Variants in PSEN1 observed in about 807,000 individuals in gnomAD.
PSEN1 encodes the protein presenilin-1.
A neutral mutation model predicts 53.5 loss-of-function variants in PSEN1; 15 were observed. That is an observed-to-expected ratio of 0.28 (90% CI 0.19 to 0.43). The LOEUF (loss-of-function observed/expected upper bound fraction) is 0.43, where lower values mean the gene tolerates loss of function less well. Ranked by LOEUF, PSEN1 falls within the 20% of genes least tolerant of loss-of-function variation. The probability of loss-of-function intolerance (pLI) is 1.00; values close to 1 mark genes in which losing one functional copy is unlikely to be tolerated. For synonymous variants in PSEN1, 208 were observed against 209.8 expected, an observed-to-expected ratio of 0.99 and a Z score of 0.08; for missense variants, 387 against 571.2, an observed-to-expected ratio of 0.68 and a Z score of 3.29.
chr14:73,214,879 C>G (rs971570078), intron 10 of PSEN1, among the ~76,000 whole-genome samples: 2 of 152,018 alleles, frequency 1.3e-5, no homozygotes, highest in Non-Finnish European at 2.9e-5. Flanking sequence ...CACAATGATA[C>G]GATTATACCT....
intron 10 of PSEN1, among the ~76,000 whole-genome samples, chr14:73,212,898 A>T (rs1899761619): frequency 6.6e-6 from 1 of 152,254 alleles, no homozygotes; most frequent in South Asian, 2.1e-4. Context: ...AAACTTGATT[A>T]AAACATTACA....
At chr14:73,211,998 T>C in intron 10 of PSEN1, 56 bp downstream of exon 10, 6 of 1,468,612 alleles carry the variant, frequency 4.1e-6, no homozygotes, top group Non-Finnish European at 4.7e-6. Flanking sequence ...AGCTACATTA[T>C]CAACCTTTTT....
At chr14:73,217,533 G>A (rs565456669) in intron 11 of PSEN1, among the ~76,000 whole-genome samples, 1 of 152,242 alleles carries the variant, frequency 6.6e-6, no homozygotes, top group African/African-American at 2.4e-5. Context: ...TTTAGGAACC[G>A]CTGCCTCAAG....
chr14:73,172,609 T>C lies in PSEN1; in HGVS notation c.339-957T>C, dbSNP rs76966559. 2.3e-4 allele frequency among the ~76,000 whole-genome samples: 35 copies of C among 152,336 alleles called. No homozygotes were observed. The East Asian group carries it at 5.4e-3, about 24-fold the overall frequency. ...CTGCTTTCACACTACAGTAGCACAGTTGAGTGTTTGCACTGGAGACCATAT... is the reference window on the plus strand; with the variant it reads ...CTGCTTTCACACTACAGTAGCACAGCTGAGTGTTTGCACTGGAGACCATAT... On this transcript the variant is annotated intron_variant, in intron 4 of 11. Coordinates refer to ENST00000324501, the MANE Select transcript of PSEN1 (RefSeq NM_000021.4).
intron 3 of PSEN1, among the ~76,000 whole-genome samples, chr14:73,162,253 T>C (rs1307529206): frequency 6.7e-6 from 1 of 150,098 alleles, no homozygotes; most frequent in Middle Eastern, 3.5e-3. Context: ...ATAAGAGAAA[T>C]AGATATTAAA....
intron 8 of PSEN1, among the ~76,000 whole-genome samples, chr14:73,201,443 A>G (rs1373661183): frequency 6.6e-6 from 1 of 152,210 alleles, no homozygotes; most frequent in Non-Finnish European, 1.5e-5. Flanking sequence ...AAAACCATAC[A>G]GTATTTGCTG....
intron 10 of PSEN1, among the ~76,000 whole-genome samples, chr14:73,215,487 G>A (rs1899876001): frequency 6.6e-6 from 1 of 151,780 alleles, no homozygotes; most frequent in African/African-American, 2.4e-5. Context: ...AGAGGCTGCG[G>A]CAGGATAATT....
intron 7 of PSEN1, among the ~76,000 whole-genome samples, chr14:73,194,930 A>C (rs1161987818): frequency 1.3e-5 from 2 of 152,220 alleles, no homozygotes; most frequent in African/African-American, 4.8e-5. Context: ...TGTAATAGGA[A>C]ACATCATCCT....
intron 9 of PSEN1, among the ~76,000 whole-genome samples, chr14:73,207,322 TAA>T (rs879805242): frequency 1.5e-5 from 2 of 130,402 alleles, no homozygotes; most frequent in Admixed American, 7.6e-5. Context: ...CCACACACAC[TAA>T]AAAAAAAAAG....
intron 6 of PSEN1, among the ~76,000 whole-genome samples, chr14:73,187,870 G>A (rs964617426): frequency 3.9e-5 from 6 of 152,084 alleles, no homozygotes; most frequent in Admixed American, 1.3e-4. Context: ...ACTATTGGTC[G>A]GTTATATTTA....
At chr14:73,189,737 G>T (rs187122943) in intron 6 of PSEN1, 3 of 161,616 alleles carry the variant, frequency 1.9e-5, no homozygotes, top group South Asian at 3.0e-4. Flanking sequence ...GAGTAAACAA[G>T]AATTGTGCAA....
chr14:73,146,786 G>A (rs1016295860), intron 1 of PSEN1, among the ~76,000 whole-genome samples: 1 of 152,194 alleles, frequency 6.6e-6, no homozygotes, highest in Non-Finnish European at 1.5e-5. Flanking sequence ...ATTTTTTTAT[G>A]TAAATGTGTA....
intron 3 of PSEN1, among the ~76,000 whole-genome samples, chr14:73,163,448 A>C (rs938570773): frequency 6.6e-5 from 10 of 152,228 alleles, no homozygotes; most frequent in Non-Finnish European, 1.2e-4. Flanking sequence ...ACAATCTTAC[A>C]GGAGTCATTC....
chr14:73,171,051 C>G lies in PSEN1; in HGVS notation c.338+4C>G. ...ATACCCGGAAGGATGGGCAGCTGTACGTATGAGTTTTGTTTTATTATTCTC... is the reference window on the plus strand; with the variant it reads ...ATACCCGGAAGGATGGGCAGCTGTAGGTATGAGTTTTGTTTTATTATTCTC... On this transcript the variant is annotated splice_donor_region_variant and intron_variant, in intron 4 of 11. Coordinates refer to ENST00000324501, the MANE Select transcript of PSEN1 (RefSeq NM_000021.4). 1 of 1,614,050 alleles carries G rather than the reference C, an allele frequency of 6.2e-7. No homozygotes were observed. Among genetic ancestry groups the G allele is most frequent in the Non-Finnish European group, 8.5e-7 (1 of 1,180,038 alleles).
intron 3 of PSEN1, among the ~76,000 whole-genome samples, chr14:73,158,442 C>G (rs190092338): frequency 9.5e-4 from 144 of 152,188 alleles, no homozygotes; most frequent in African/African-American, 3.0e-3. Flanking sequence ...TCTCCTGTCC[C>G]AGCCTCCCCA....
At chr14:73,140,554 C>T (rs980779141) in intron 1 of PSEN1, among the ~76,000 whole-genome samples, 1 of 152,102 alleles carries the variant, frequency 6.6e-6, no homozygotes, top group East Asian at 1.9e-4. Context: ...GCCTAGTTAT[C>T]GTCTTTATTT....
chr14:73,169,857 G>T (rs193266056), intron 3 of PSEN1, among the ~76,000 whole-genome samples: 1 of 152,204 alleles, frequency 6.6e-6, no homozygotes, highest in Non-Finnish European at 1.5e-5. Context: ...TGTTGGCCAG[G>T]CTGGTCTCAA....
chr14:73,178,219 C>CTTTT (rs34023728), intron 5 of PSEN1, among the ~76,000 whole-genome samples: 1 of 127,988 alleles, frequency 7.8e-6, no homozygotes, highest in Non-Finnish European at 1.7e-5. Context: ...ACACCCGGCC[C>CTTTT]TTTTTTTTTT....
intron 5 of PSEN1, among the ~76,000 whole-genome samples, chr14:73,184,830 G>A (rs1345534142): frequency 2.8e-5 from 4 of 142,080 alleles, no homozygotes; most frequent in African/African-American, 5.3e-5. Flanking sequence ...CCGGGCGGAG[G>A]GGCTCCTCAC....
Sources: allele counts gnomAD v4.1 joint callset (sites outside exome capture counted in the v4.1 genomes callset), GRCh38; gene constraint gnomAD v4.1.1; transcripts MANE v1.5; gene names NCBI Gene and HGNC (gene_info 2026-07-23, HGNC 2026-07-21).